TMEM74: variants seen among roughly 807,000 people sequenced by gnomAD.
TMEM74 encodes the protein transmembrane protein 74.
Under a neutral mutation model 18.1 loss-of-function variants are expected in TMEM74, and 13 were observed. The observed-to-expected ratio is 0.72, with a 90% confidence interval of 0.47 to 1.14. The LOEUF (loss-of-function observed/expected upper bound fraction) is 1.14. TMEM74 is among the 50% of genes most tolerant of loss of function. TMEM74 has a pLI of 0.00. For synonymous variants in TMEM74, 159 were observed against 146.6 expected (o/e 1.08, Z -0.61); for missense variants, 372 against 375.9 (o/e 0.99, Z 0.09).
chr8:108,613,718 A>G (rs1812356994), intron 2 of TMEM74, among the ~76,000 whole-genome samples: 1 of 152,214 alleles, frequency 6.6e-6, no homozygotes, highest in Admixed American at 6.5e-5. Flanking sequence ...ATTCACTTTC[A>G]AAGTCCAAAC....
At chr8:108,628,177 A>G (rs1170846995) in intron 2 of TMEM74, among the ~76,000 whole-genome samples, 1 of 152,074 alleles carries the variant, frequency 6.6e-6, no homozygotes, top group Non-Finnish European at 1.5e-5. Context: ...ACATTAGTTG[A>G]TAGTCTGGTC....
At chr8:108,659,187 G>A (rs1400497138) in intron 1 of TMEM74, among the ~76,000 whole-genome samples, 1 of 152,040 alleles carries the variant, frequency 6.6e-6, no homozygotes, top group East Asian at 1.9e-4. Flanking sequence ...AGATGGCAGA[G>A]GGAGATAGAG....
intron 2 of TMEM74, among the ~76,000 whole-genome samples, chr8:108,643,642 C>T (rs1812687784): frequency 1.3e-5 from 2 of 151,482 alleles, no homozygotes; most frequent in African/African-American, 4.9e-5. Context: ...TTGGGAGGCT[C>T]AGGTGGGAGA....
At chr8:108,786,311 A>G (rs1052421370) in intron 1 of TMEM74, among the ~76,000 whole-genome samples, 4 of 152,242 alleles carry the variant, frequency 2.6e-5, no homozygotes, top group Non-Finnish European at 5.9e-5. Flanking sequence ...TTTCTAAGGA[A>G]TAAAAATTCA....
At chr8:108,615,901 C>T (rs1812378195) in intron 2 of TMEM74, among the ~76,000 whole-genome samples, 1 of 145,520 alleles carries the variant, frequency 6.9e-6, no homozygotes, top group Admixed American at 7.2e-5. Flanking sequence ...ATTCTCCTGC[C>T]TCAGCCTCCT....
chr8:108,624,346 C>T (rs899671323), intron 2 of TMEM74, among the ~76,000 whole-genome samples: 2 of 152,090 alleles, frequency 1.3e-5, no homozygotes, highest in African/African-American at 4.8e-5. Context: ...GAACTACTCA[C>T]ACTTTTTCCA....
chr8:108,651,359 T>C (rs1812772935), intron 2 of TMEM74, among the ~76,000 whole-genome samples: 1 of 152,192 alleles, frequency 6.6e-6, no homozygotes, highest in Admixed American at 6.5e-5. Flanking sequence ...TCTCAGAATT[T>C]CCTGTGTTTT....
At chr8:108,723,405 T>C (rs1202251411) in intron 1 of TMEM74, among the ~76,000 whole-genome samples, 3 of 152,010 alleles carry the variant, frequency 2.0e-5, no homozygotes, top group Non-Finnish European at 4.4e-5. Context: ...GCTGACCAAG[T>C]TTGTAAATCT....
intron 1 of TMEM74, 134 bp from the exon 2 acceptor site, chr8:108,785,271 A>C (rs1814370661): frequency 1.6e-6 from 1 of 627,126 alleles, no homozygotes; most frequent in African/African-American, 1.8e-5. Flanking sequence ...AACAGGCAAA[A>C]GAAGGGAGGG....
At chr8:108,722,705 A>G (rs966612755) in intron 1 of TMEM74, among the ~76,000 whole-genome samples, 1 of 152,150 alleles carries the variant, frequency 6.6e-6, no homozygotes, top group African/African-American at 2.4e-5. Flanking sequence ...GCTAATTTGC[A>G]TCTATCTCCC....
At chr8:108,786,405 G>A (rs1430826663) in intron 1 of TMEM74, among the ~76,000 whole-genome samples, 1 of 152,040 alleles carries the variant, frequency 6.6e-6, no homozygotes, top group African/African-American at 2.4e-5. Context: ...TTAACCCAAC[G>A]GCTTGAGGCT....
intron 1 of TMEM74, among the ~76,000 whole-genome samples, chr8:108,731,442 T>C (rs914885161): frequency 6.6e-6 from 1 of 152,230 alleles, no homozygotes; most frequent in East Asian, 1.9e-4. Flanking sequence ...ATAAAATCTC[T>C]ATGCTCATTT....
At chr8:108,656,092 C>A (rs746489934) in intron 1 of TMEM74, among the ~76,000 whole-genome samples, 2 of 152,096 alleles carry the variant, frequency 1.3e-5, no homozygotes, top group Non-Finnish European at 2.9e-5. Context: ...GGAATTTTCC[C>A]CTCTCAGCGG....
chr8:108,764,679 C>T (rs773086333), intron 1 of TMEM74, among the ~76,000 whole-genome samples: 2 of 152,080 alleles, frequency 1.3e-5, no homozygotes, highest in Non-Finnish European at 2.9e-5. Flanking sequence ...GCTCAGCTGG[C>T]GGAGGTCATG....
intron 2 of TMEM74, among the ~76,000 whole-genome samples, chr8:108,622,437 C>T (rs1260688701): frequency 6.6e-6 from 1 of 152,064 alleles, no homozygotes; most frequent in Non-Finnish European, 1.5e-5. Flanking sequence ...GTTTTTTAAC[C>T]ACTATATGCA....
At chr8:108,750,741 C>T (rs1813896858) in intron 1 of TMEM74, among the ~76,000 whole-genome samples, 1 of 152,096 alleles carries the variant, frequency 6.6e-6, no homozygotes, top group Non-Finnish European at 1.5e-5. Flanking sequence ...TGCGCATACT[C>T]AACTCCCAAG....
At chr8:108,684,992 G>A (rs371960684) in intron 1 of TMEM74, among the ~76,000 whole-genome samples, 1 of 151,692 alleles carries the variant, frequency 6.6e-6, no homozygotes, top group African/African-American at 2.4e-5. Context: ...ATTTTGATAG[G>A]GATTACATTG....
intron 2 of TMEM74, among the ~76,000 whole-genome samples, chr8:108,648,626 A>G (rs1434717529): frequency 2.6e-5 from 4 of 152,126 alleles, no homozygotes; most frequent in African/African-American, 9.7e-5. Flanking sequence ...GGGTAATGGA[A>G]GCCAGGGTAG....
At chr8:108,733,694 T>A (rs910823169) in intron 1 of TMEM74, among the ~76,000 whole-genome samples, 2 of 152,238 alleles carry the variant, frequency 1.3e-5, no homozygotes, top group Non-Finnish European at 2.9e-5. Context: ...ACTTATTACC[T>A]CATTTCAGGC....
Sources: gnomAD v4.1 joint callset for allele counts (sites outside exome capture counted in the v4.1 genomes callset) on GRCh38, gnomAD v4.1.1 for gene constraint, MANE v1.5 for transcripts, NCBI Gene and HGNC (gene_info 2026-07-23, HGNC 2026-07-21) for gene names.